Variants in BANP observed in about 807,000 individuals in gnomAD.
BANP encodes the protein BTG3 associated nuclear protein, also known as protein BANP.
In BANP, 11 loss-of-function variants were observed where a neutral mutation model predicts 68.1. The ratio of observed to expected loss-of-function variants is 0.16; its 90% confidence interval spans 0.10 to 0.27. BANP has a LOEUF of 0.27. Ranked by LOEUF, BANP falls within the 10% of genes least tolerant of loss-of-function variation. The pLI is 1.00. For missense variants in BANP, 504 were observed against 722.7 expected, an observed-to-expected ratio of 0.70 and a Z score of 3.47; for synonymous variants, 329 against 303.2, an observed-to-expected ratio of 1.09 and a Z score of -0.88.
intron 4 of BANP, among the ~76,000 whole-genome samples, chr16:87,990,778 T>G (rs1300758227): frequency 6.6e-6 from 1 of 152,218 alleles, no homozygotes; most frequent in Non-Finnish European, 1.5e-5. Flanking sequence ...TGTTTTGTTT[T>G]TTGAGATGGA....
chr16:87,997,435 C>A (rs1363987756), intron 4 of BANP, among the ~76,000 whole-genome samples: 1 of 152,234 alleles, frequency 6.6e-6, no homozygotes, highest in African/African-American at 2.4e-5. Context: ...AATGGTGAGA[C>A]CTGGGACAGA....
At chr16:88,034,192 G>A (rs1012683189) in intron 9 of BANP, among the ~76,000 whole-genome samples, 1 of 152,204 alleles carries the variant, frequency 6.6e-6, no homozygotes, top group Non-Finnish European at 1.5e-5. Context: ...TTCCAAAGGA[G>A]ATGAGACAGT....
intron 1 of BANP, among the ~76,000 whole-genome samples, chr16:87,973,688 G>A (rs528748052): frequency 1.9e-4 from 28 of 148,598 alleles, no homozygotes; most frequent in African/African-American, 6.9e-4. Context: ...GAACCCAGGA[G>A]GTGGAGGTAA....
Position 88,071,537 on chromosome 16 carries a change from T to C in BANP, c.1378-532T>C, listed in dbSNP as rs1382049185. On this transcript the variant is annotated intron_variant, in intron 12 of 13. Coordinates refer to ENST00000682872, the MANE Select transcript of BANP (RefSeq NM_001386991.1). This position sits in a 1 kb window ranked among gnomAD's most constrained non-coding sequence, Gnocchi z 6.5. ...GCCCATCTTGGAACTGGGCCTCACT[T>C]TCCTGCGAGCTTCTGCTGGGTTCTC... is the stretch of plus-strand genomic sequence containing the variant. 3 of 456,490 alleles carry C rather than the reference T, an allele frequency of 6.6e-6. No individual in the cohort carries two copies. Among genetic ancestry groups the C allele is most frequent in the African/African-American group, 6.0e-5 (3 of 50,108 alleles). 28.3% of individuals were successfully genotyped at this position (456,490 alleles called of 1,614,324 possible).
chr16:87,967,867 C>T (rs957151218), intron 1 of BANP, among the ~76,000 whole-genome samples: 6 of 151,688 alleles, frequency 4.0e-5, no homozygotes, highest in South Asian at 4.2e-4. Context: ...ATGATCTGCC[C>T]GCCTTGGCCC....
At chr16:87,990,263 C>G (rs2065585628) in intron 4 of BANP, among the ~76,000 whole-genome samples, 1 of 152,260 alleles carries the variant, frequency 6.6e-6, no homozygotes, top group African/African-American at 2.4e-5. Flanking sequence ...AATTTTACAA[C>G]AATTATAAAC....
intron 2 of BANP, among the ~76,000 whole-genome samples, chr16:87,979,440 C>T (rs2062839914): frequency 6.6e-6 from 1 of 152,132 alleles, no homozygotes; most frequent in African/African-American, 2.4e-5. Context: ...AGTTGAGGCC[C>T]TTCCAGGAAC....
chr16:88,025,493 A>G (rs965519878), intron 7 of BANP, among the ~76,000 whole-genome samples: 1 of 152,214 alleles, frequency 6.6e-6, no homozygotes, highest in African/African-American at 2.4e-5. Context: ...TTCTTTATGC[A>G]TGAGGATGAA....
chr16:87,977,418 C>CAAAAAA (rs56077067), intron 2 of BANP, among the ~76,000 whole-genome samples: 15 of 140,898 alleles, frequency 1.1e-4, no homozygotes, highest in African/African-American at 3.4e-4. Flanking sequence ...GACTCCGTCT[C>CAAAAAA]AAAAAAAAAA....
Position 88,073,181 on chromosome 16 carries a change from C to T in BANP, c.1521+969C>T, listed in dbSNP as rs944024442. ...GAAGAAGTGGGCTCGGTAGAGCTCA[C>T]GCTCACCAGGGTGCGCAGGTCGCCA... On this transcript the variant is annotated intron_variant, in intron 13 of 13. Transcript: ENST00000682872. 2.3e-4 allele frequency among the ~76,000 whole-genome samples: 35 copies of T among 152,238 alleles called. 2 individuals are homozygous for T. The highest frequency in any genetic ancestry group is 2.3e-3 in the Admixed American group (35 of 15,292).
intron 12 of BANP, among the ~76,000 whole-genome samples, chr16:88,067,793 G>C (rs1229007655): frequency 2.0e-5 from 3 of 152,128 alleles, no homozygotes; most frequent in Non-Finnish European, 4.4e-5. Context: ...GTAAACCCCA[G>C]GTCTCCACTC....
rs1221168462 is a variant in BANP at position 88,064,072 on chromosome 16, C to T, written c.1312-1195C>T. Among the ~76,000 whole-genome samples the T allele has an allele frequency of 6.6e-6, 1 of 152,130 alleles. No homozygotes were observed. The highest frequency in any genetic ancestry group is 2.4e-5 in the African/African-American group (1 of 41,408). Reference sequence around the variant, plus strand: ...ACAAAGGCACAGACATTGTTGCTGCCTTGGAACAAGGTGTGGGGGCCAACC... The same window carrying T: ...ACAAAGGCACAGACATTGTTGCTGCTTTGGAACAAGGTGTGGGGGCCAACC... On this transcript the variant is annotated intron_variant, in intron 11 of 13. Coordinates refer to ENST00000682872, the MANE Select transcript of BANP (RefSeq NM_001386991.1). The surrounding 1 kb of genome is among the most constrained non-coding windows in gnomAD (Gnocchi z 4.5).
intron 9 of BANP, chr16:88,035,063 T>G: frequency 2.1e-6 from 1 of 480,308 alleles, no homozygotes. Context: ...ATATATGGGG[T>G]TCAGCACCAT....
intron 11 of BANP, among the ~76,000 whole-genome samples, chr16:88,044,845 G>A (rs748134508): frequency 1.3e-5 from 2 of 152,132 alleles, no homozygotes; most frequent in Non-Finnish European, 1.5e-5. Flanking sequence ...TAGCCGGTGC[G>A]GTGGCAGGCG....
chr16:87,997,192 C>G (rs2067489441), intron 4 of BANP, among the ~76,000 whole-genome samples: 1 of 152,190 alleles, frequency 6.6e-6, no homozygotes, highest in Non-Finnish European at 1.5e-5. Flanking sequence ...CTCCTGGGCT[C>G]AAGCCATCTG....
chr16:87,970,032 TTAG>T (rs372468282), intron 1 of BANP: 1 of 151,926 alleles, frequency 6.6e-6, no homozygotes, highest in African/African-American at 2.4e-5. Flanking sequence ...CTCAGCCTCC[TTAG>T]TAGCTGGGAT....
chr16:88,032,207 C>T (rs1437754931), intron 8 of BANP, among the ~76,000 whole-genome samples: 2 of 151,854 alleles, frequency 1.3e-5, no homozygotes, highest in Non-Finnish European at 2.9e-5. Context: ...CTGCTTCCCT[C>T]CCCTGTACCC....
intron 11 of BANP, among the ~76,000 whole-genome samples, chr16:88,061,670 C>T (rs992636808): frequency 4.9e-4 from 73 of 148,092 alleles, no homozygotes; most frequent in Non-Finnish European, 9.2e-4. Flanking sequence ...ATTTTTCTTT[C>T]TTTTTTTTTT....
At chr16:87,987,737 A>AAAAAAAAAAAAAAC (rs1214292650) in intron 4 of BANP, among the ~76,000 whole-genome samples, 1 of 149,544 alleles carries the variant, frequency 6.7e-6, no homozygotes, top group Non-Finnish European at 1.5e-5. Context: ...AAAAAAAAAA[A>AAAAAAAAAAAAAAC]AAGGATGTTA....
Sources: allele counts gnomAD v4.1 joint callset (sites outside exome capture counted in the v4.1 genomes callset), GRCh38; gene constraint gnomAD v4.1.1; non-coding constraint Gnocchi (gnomAD v3.1); transcripts MANE v1.5; gene names NCBI Gene and HGNC (gene_info 2026-07-23, HGNC 2026-07-21).